The following ATRNL1 variants were observed in gnomAD, a reference collection of about 807,000 sequenced individuals.
ATRNL1 encodes the protein attractin like 1.
Under a neutral mutation model 182.7 loss-of-function variants are expected in ATRNL1, and 95 were observed. That is an observed-to-expected ratio of 0.52 (90% CI 0.44 to 0.62). The LOEUF is 0.62. Among genes scored for constraint, ATRNL1 ranks in the 20% least tolerant of loss-of-function variants. The pLI, the probability that ATRNL1 is intolerant of heterozygous loss-of-function variation, is 0.00. For synonymous variants in ATRNL1, 576 were observed against 568.3 expected, an observed-to-expected ratio of 1.01 and a Z score of -0.19; for missense variants, 1,471 against 1,679.5, an observed-to-expected ratio of 0.88 and a Z score of 2.17.
At chr10:115,246,243 A>G (rs1381043354) in intron 10 of ATRNL1, among the ~76,000 whole-genome samples, 2 of 152,160 alleles carry the variant, frequency 1.3e-5, no homozygotes, top group African/African-American at 2.4e-5. Context: ...CACACAGGCT[A>G]TAAGATGTTG....
intron 5 of ATRNL1, among the ~76,000 whole-genome samples, chr10:115,133,178 T>G (rs1329030655): frequency 2.0e-5 from 3 of 152,224 alleles, no homozygotes; most frequent in Admixed American, 2.0e-4. Flanking sequence ...GAACCATTTA[T>G]TAAATAGGGA....
chr10:115,621,262 T>TATATATAC (rs2133804815), intron 26 of ATRNL1, among the ~76,000 whole-genome samples: 1 of 52,296 alleles, frequency 1.9e-5, no homozygotes, highest in South Asian at 9.0e-4. Context: ...TGAATATATA[T>TATATATAC]ATATATATAT....
chr10:115,144,963 A>G (rs1845911410), intron 5 of ATRNL1, among the ~76,000 whole-genome samples: 1 of 152,200 alleles, frequency 6.6e-6, no homozygotes, highest in African/African-American at 2.4e-5. Flanking sequence ...AACTATTTAC[A>G]TATTCTGTGA....
chr10:115,403,034 T>C (rs1554957346), intron 20 of ATRNL1, among the ~76,000 whole-genome samples: 1 of 152,146 alleles, frequency 6.6e-6, no homozygotes. Flanking sequence ...AGGCCAGTAA[T>C]ATCTAAGATT....
chr10:115,421,614 C>G (rs1845655137), intron 20 of ATRNL1, among the ~76,000 whole-genome samples: 1 of 152,114 alleles, frequency 6.6e-6, no homozygotes. Context: ...AAAGCTTTCC[C>G]TTTGAATGCT....
At chr10:115,405,342 C>G (rs1554957943) in intron 20 of ATRNL1, among the ~76,000 whole-genome samples, 1 of 152,148 alleles carries the variant, frequency 6.6e-6, no homozygotes, top group African/African-American at 2.4e-5. Context: ...ATAGGATGAA[C>G]TACTGCTATA....
chr10:115,658,641 G>C (rs1555036773), intron 26 of ATRNL1, among the ~76,000 whole-genome samples: 3 of 152,040 alleles, frequency 2.0e-5, no homozygotes, highest in African/African-American at 7.2e-5. Flanking sequence ...ATCAGTTCAG[G>C]CACCAGCTTG....
At chr10:115,395,898 T>C (rs1592591331) in intron 20 of ATRNL1, among the ~76,000 whole-genome samples, 1 of 151,750 alleles carries the variant, frequency 6.6e-6, no homozygotes, top group Non-Finnish European at 1.5e-5. Context: ...CATGTTTATA[T>C]TAGGTATATA....
intron 19 of ATRNL1, among the ~76,000 whole-genome samples, chr10:115,385,577 A>G (rs777697667): frequency 7.2e-5 from 11 of 152,112 alleles, no homozygotes; most frequent in Non-Finnish European, 1.3e-4. Flanking sequence ...GATAAATTAT[A>G]TGTTTTTTTC....
intron 26 of ATRNL1, among the ~76,000 whole-genome samples, chr10:115,628,059 AT>A (rs1313525856): frequency 6.6e-6 from 1 of 151,364 alleles, no homozygotes; most frequent in East Asian, 1.9e-4. Flanking sequence ...AGGCAGGAGA[AT>A]TGCTTGAACC....
chr10:115,269,114 T>A (rs1192249333), intron 13 of ATRNL1, among the ~76,000 whole-genome samples: 11 of 152,206 alleles, frequency 7.2e-5, no homozygotes, highest in Admixed American at 6.5e-5. Context: ...TTGAGCCCTA[T>A]AATTATTTGT....
chr10:115,255,953 ACG>A (rs1851108717), intron 10 of ATRNL1, among the ~76,000 whole-genome samples: 1 of 152,182 alleles, frequency 6.6e-6, no homozygotes, highest in Non-Finnish European at 1.5e-5. Context: ...TGATTTGCAT[ACG>A]TTGAACCAGC....
At chr10:115,122,309 A>G (rs1162403048) in intron 3 of ATRNL1, among the ~76,000 whole-genome samples, 1 of 151,786 alleles carries the variant, frequency 6.6e-6, no homozygotes, top group Non-Finnish European at 1.5e-5. Context: ...AAAATATTTT[A>G]TTGTTAGTCG....
At chr10:115,291,330 A>G (rs1453962249) in intron 15 of ATRNL1, among the ~76,000 whole-genome samples, 2 of 152,136 alleles carry the variant, frequency 1.3e-5, no homozygotes, top group East Asian at 1.9e-4. Flanking sequence ...TGCCCTGGCC[A>G]TGGACTTACA....
intron 28 of ATRNL1, among the ~76,000 whole-genome samples, chr10:115,852,711 T>G (rs1951085121): frequency 6.6e-6 from 1 of 152,168 alleles, no homozygotes; most frequent in African/African-American, 2.4e-5. Flanking sequence ...GGCATAGCCC[T>G]TATTCCTAAA....
chr10:115,836,529 C>CCTCG lies in ATRNL1; in HGVS notation c.3904-11345_3904-11342dup, dbSNP rs1565422944. On this transcript the variant is annotated intron_variant, in intron 27 of 28. Coordinates refer to ENST00000355044, the MANE Select transcript of ATRNL1 (RefSeq NM_207303.4). ...AGGGAGAGTTTTTCCGTGCACCTCCCCTCGCTTCTGGCGTTGCCTGCAAAC... is the reference window on the plus strand; with the variant it reads ...AGGGAGAGTTTTTCCGTGCACCTCCCCTCGCTCGCTTCTGGCGTTGCCTGCAAAC... Among the ~76,000 whole-genome samples, 6 of 152,240 alleles carry CCTCG rather than the reference C, an allele frequency of 3.9e-5. No individual in the cohort carries two copies. In the South Asian group the frequency reaches 1.2e-3, roughly 32 times the overall value.
At chr10:115,449,575 T>C (rs1847185541) in intron 21 of ATRNL1, among the ~76,000 whole-genome samples, 1 of 152,146 alleles carries the variant, frequency 6.6e-6, no homozygotes. Context: ...CTGTAACACA[T>C]GCCCTCTGGG....
chr10:115,618,130 G>A (rs1857536227), intron 26 of ATRNL1, among the ~76,000 whole-genome samples: 1 of 152,120 alleles, frequency 6.6e-6, no homozygotes, highest in Non-Finnish European at 1.5e-5. Flanking sequence ...TACAGCCTGT[G>A]GAACCATCAA....
intron 9 of ATRNL1, among the ~76,000 whole-genome samples, chr10:115,238,947 A>AT (rs1399134241): frequency 1.3e-5 from 2 of 151,922 alleles, no homozygotes; most frequent in East Asian, 3.9e-4. Context: ...TGAATGTTGG[A>AT]TTTTGTCAAT....
Sources: allele counts gnomAD v4.1 joint callset (sites outside exome capture counted in the v4.1 genomes callset), GRCh38; gene constraint gnomAD v4.1.1; transcripts MANE v1.5; gene names NCBI Gene and HGNC (gene_info 2026-07-23, HGNC 2026-07-21).